PDK2: variants seen among roughly 807,000 people sequenced by gnomAD.
PDK2 encodes the protein pyruvate dehydrogenase kinase 2.
A neutral mutation model predicts 50.4 loss-of-function variants in PDK2; 34 were observed. That is an observed-to-expected ratio of 0.68 (90% CI 0.51 to 0.90). The LOEUF (loss-of-function observed/expected upper bound fraction) is 0.90. Among genes scored for constraint, PDK2 ranks in the 40% least tolerant of loss-of-function variants. The pLI is 0.00. For synonymous variants in PDK2, 232 were observed against 216.0 expected, an observed-to-expected ratio of 1.07 and a Z score of -0.65; for missense variants, 377 against 544.5, an observed-to-expected ratio of 0.69 and a Z score of 3.06.
chr17:50,105,437 G>A lies in PDK2; in HGVS notation c.327G>A (p.Leu109=), dbSNP rs1910455730. ...LDKDPEDHRT[L]SQFTDALVTI... Reference sequence around the variant, plus strand: ...AGGATCCCGAGGACCATCGCACCCTGAGCCAGTGAGTGGGGGCCCTGGGTG... The same window carrying A: ...AGGATCCCGAGGACCATCGCACCCTAAGCCAGTGAGTGGGGGCCCTGGGTG... Residue 109 remains leucine (L), a synonymous_variant, in exon 3 of 11, where the codon CTG becomes CTA. Transcript: ENST00000503176. The A allele has an allele frequency of 2.5e-6, 4 of 1,613,612 alleles. No individual in the cohort carries two copies. In the Admixed American group the frequency reaches 6.7e-5, roughly 27 times the overall value.
rs1356957195 is a variant in PDK2, at chr17:50,101,491, A to C, written c.261-3880A>C. Among the ~76,000 whole-genome samples the C allele has an allele frequency of 6.6e-6, 1 of 152,088 alleles. No individual in the cohort carries two copies. Among genetic ancestry groups the C allele is most frequent in the African/African-American group, 2.4e-5 (1 of 41,402 alleles). The stretch of plus-strand genomic sequence containing the variant: ...GCGGGACACCGCCACCTCTCCCCCA[A>C]GTGCAGCGAGCACCCTCCTCCCCAG... On this transcript the variant is annotated intron_variant, in intron 2 of 10. Coordinates refer to ENST00000503176, the MANE Select transcript of PDK2 (RefSeq NM_002611.5). This position sits in a 1 kb window ranked among gnomAD's most constrained non-coding sequence, Gnocchi z 4.2.
chr17:50,109,717 C>A lies in PDK2; in HGVS notation c.1084-240C>A, dbSNP rs1034526257. ...CAGTTCAGAGGAGAAGACTGAGGCC[C>A]GGAGTCCGTGACTTGCTCAGGGTCA... On this transcript the variant is annotated intron_variant, in intron 10 of 10. Transcript: ENST00000503176. This position sits in a 1 kb window ranked among gnomAD's most constrained non-coding sequence, Gnocchi z 5.0. Among the ~76,000 whole-genome samples the A allele has an allele frequency of 6.6e-6, 1 of 152,144 alleles. No homozygotes were observed. Among genetic ancestry groups the A allele is most frequent in the African/African-American group, 2.4e-5 (1 of 41,432 alleles).
At chr17:50,107,908 T>C in intron 6 of PDK2, 1 of 543,584 alleles carries the variant, frequency 1.8e-6, no homozygotes, top group Non-Finnish European at 3.3e-6. Flanking sequence ...CAGGGCTGGC[T>C]CCCCACCCCT....
rs1910868984 is a variant in PDK2, at chr17:50,111,895, CAA to C, written c.*1799_*1800del. On this transcript the variant is annotated 3_prime_UTR_variant, in exon 11 of 11. Transcript: ENST00000503176. Reference sequence around the variant, plus strand: ...AGTTCTGAGCCCACTGATTCCCTGACAATGCCTGGGGCAGATGGGGGAGGGCT... The same window carrying C: ...AGTTCTGAGCCCACTGATTCCCTGACTGCCTGGGGCAGATGGGGGAGGGCT... The C allele has an allele frequency of 6.6e-6, 1 of 152,188 alleles. No homozygotes were observed. Among genetic ancestry groups the C allele is most frequent in the Admixed American group, 6.6e-5 (1 of 15,264 alleles). The allele number at this position is 152,188 out of a possible 1,614,324, so 9.4% of individuals were successfully genotyped here.
intron 4 of PDK2, chr17:50,106,499 A>G (rs1473560945): frequency 2.0e-6 from 1 of 501,110 alleles, no homozygotes; most frequent in Non-Finnish European, 3.5e-6. Context: ...GAGTTCTCTT[A>G]GAATGTTATA....
intron 1 of PDK2, chr17:50,096,190 C>T (rs1230899093): frequency 9.1e-6 from 9 of 985,564 alleles, no homozygotes; most frequent in African/African-American, 1.7e-5. Flanking sequence ...AAATCTGTTC[C>T]GGCCTGGCAG....
rs1447776499 is a variant in PDK2 at position 50,111,117 on chromosome 17, A to C, written c.*1020A>C. ...CACACGTGCGCACGTACACACGCACACTGCGGTGCCCTGTGACCACCACAT... is the reference window on the plus strand; with the variant it reads ...CACACGTGCGCACGTACACACGCACCCTGCGGTGCCCTGTGACCACCACAT... On this transcript the variant is annotated 3_prime_UTR_variant, in exon 11 of 11. Transcript: ENST00000503176. 6.6e-6 allele frequency: 1 copy of C among 152,330 alleles called. No individual in the cohort carries two copies. The highest frequency in any genetic ancestry group is 6.5e-5 in the Admixed American group (1 of 15,280). 9.4% of individuals were successfully genotyped at this position (152,330 alleles called of 1,614,324 possible).
intron 2 of PDK2, 157 bp downstream of exon 2, chr17:50,097,721 T>A: frequency 1.3e-6 from 1 of 771,762 alleles, no homozygotes; most frequent in South Asian, 1.8e-5. Context: ...TAGGGTCACG[T>A]GGGAATCTGA....
In PDK2 at chr17:50,107,073, C is replaced by T; in HGVS notation, c.608-3C>T. On this transcript the variant is annotated splice_region_variant and splice_polypyrimidine_tract_variant and intron_variant, in intron 5 of 10. Transcript: ENST00000503176. ...TGCCCTGAATGACCCCATCTTCTCTCAGATGCCTACGACATGGCTAAGCTC... is the reference window on the plus strand; with the variant it reads ...TGCCCTGAATGACCCCATCTTCTCTTAGATGCCTACGACATGGCTAAGCTC... 1 of 1,613,938 alleles carries T rather than the reference C, an allele frequency of 6.2e-7. No individual in the cohort carries two copies. The highest frequency in any genetic ancestry group is 2.2e-5 in the East Asian group (1 of 44,878).
In PDK2 at chr17:50,095,401, C is replaced by T. The variant is rs1241915274; in HGVS notation, c.-35C>T. ...GAAAGGTGCGCGAGCGCTGCCCGCG[C>T]GGGGACCACAACCAAAGTCGCGGCC... On this transcript the variant is annotated 5_prime_UTR_variant, in exon 1 of 11. Coordinates refer to ENST00000503176, the MANE Select transcript of PDK2 (RefSeq NM_002611.5). 2 of 1,488,262 alleles carry T rather than the reference C, an allele frequency of 1.3e-6. No individual in the cohort carries two copies. The highest frequency in any genetic ancestry group is 2.4e-5 in the East Asian group (1 of 42,504). 92.2% of individuals were successfully genotyped at this position (1,488,262 alleles called of 1,614,324 possible). A position where few individuals can be genotyped will look rare whatever the true frequency, so the allele number is the denominator to read the frequency against.
chr17:50,108,487 T>C, intron 8 of PDK2, 70 bp downstream of exon 8: 1 of 1,427,108 alleles, frequency 7.0e-7, no homozygotes, highest in South Asian at 1.2e-5. Context: ...GGAGACGGGC[T>C]TTCCTTTTCT....
chr17:50,108,111 ACCT>A (rs757277378), intron 6 of PDK2, 42 bp from the exon 7 acceptor site: 1 of 1,512,418 alleles, frequency 6.6e-7, no homozygotes, highest in East Asian at 2.4e-5. Context: ...TTGAGCAGTG[ACCT>A]CCTGACGGTT....
At chr17:50,095,819 C>T in intron 1 of PDK2, 1 of 1,236,214 alleles carries the variant, frequency 8.1e-7, no homozygotes, top group Non-Finnish European at 1.0e-6. Flanking sequence ...GAGTAAGGGG[C>T]AGTGAAGCTG....
chr17:50,110,125 G>A lies in PDK2; in HGVS notation c.*28G>A, dbSNP rs1598217357. The A allele has an allele frequency of 3.2e-6, 5 of 1,563,662 alleles. No homozygotes were observed. Among genetic ancestry groups the A allele is most frequent in the East Asian group, 2.3e-5 (1 of 43,392 alleles). On this transcript the variant is annotated 3_prime_UTR_variant, in exon 11 of 11. Transcript: ENST00000503176. ...GCCGCCGTGCATCTGCACCTGAGAG[G>A]ACGGACTGCCGCCTCTGGGTCCCCC...
chr17:50,096,176 G>A, intron 1 of PDK2: 1 of 985,592 alleles, frequency 1.0e-6, no homozygotes, highest in Non-Finnish European at 1.2e-6. Flanking sequence ...GACACTTGAA[G>A]ATCAAATCTG....
chr17:50,108,607 C>T lies in PDK2; in HGVS notation c.862-5C>T, dbSNP rs377006790. 3.4e-5 allele frequency: 54 copies of T among 1,605,148 alleles called. No individual in the cohort carries two copies. The African/African-American group carries it at 5.9e-4, about 17-fold the overall frequency. Reference sequence around the variant, plus strand: ...AGAATCCCTGACACATCCCATCTCTCCCAGATGAGTGACCGAGGTGGGGGT... The same window carrying T: ...AGAATCCCTGACACATCCCATCTCTTCCAGATGAGTGACCGAGGTGGGGGT... On this transcript the variant is annotated splice_region_variant and splice_polypyrimidine_tract_variant and intron_variant, in intron 8 of 10. Coordinates refer to ENST00000503176, the MANE Select transcript of PDK2 (RefSeq NM_002611.5).
intron 4 of PDK2, 141 bp from the exon 5 acceptor site, chr17:50,106,652 GC>G: frequency 1.4e-6 from 1 of 701,534 alleles, no homozygotes; most frequent in Non-Finnish European, 2.5e-6. Context: ...GAGGACAGAA[GC>G]GGGGGAGTGG....
intron 1 of PDK2, among the ~76,000 whole-genome samples, chr17:50,096,657 T>A (rs941584367): frequency 5.9e-5 from 9 of 152,244 alleles, no homozygotes; most frequent in Admixed American, 2.6e-4. Flanking sequence ...TGCACCCTAA[T>A]TACAGAAACA....
At chr17:50,106,401 G>A in intron 4 of PDK2, 1 of 431,170 alleles carries the variant, frequency 2.3e-6, no homozygotes. Flanking sequence ...TATTCCAGGA[G>A]GATTCACTAT....
Sources: gnomAD v4.1 joint callset for allele counts (sites outside exome capture counted in the v4.1 genomes callset) on GRCh38, gnomAD v4.1.1 for gene constraint, Gnocchi (gnomAD v3.1) non-coding constraint, MANE v1.5 for transcripts, NCBI Gene and HGNC (gene_info 2026-07-23, HGNC 2026-07-21) for gene names.